MDM4: variants seen among roughly 807,000 people sequenced by gnomAD.
MDM4 encodes the protein MDM4 regulator of p53.
Under a neutral mutation model 60.2 loss-of-function variants are expected in MDM4, and 2 were observed. That is an observed-to-expected ratio of 0.03 (90% CI 0.01 to 0.10). The LOEUF (loss-of-function observed/expected upper bound fraction) is 0.10, where lower values mean the gene tolerates loss of function less well. MDM4 is among the 10% of genes least tolerant of loss of function. The pLI is 1.00. For missense variants in MDM4, 447 were observed against 577.5 expected, an observed-to-expected ratio of 0.77 and a Z score of 2.32; for synonymous variants, 202 against 198.1, an observed-to-expected ratio of 1.02 and a Z score of -0.17.
chr1:204,538,326 G>T lies in MDM4; in HGVS notation c.511+18G>T. On this transcript the variant is annotated intron_variant, in intron 7 of 10. Coordinates refer to ENST00000367182, the MANE Select transcript of MDM4 (RefSeq NM_002393.5). Reference sequence around the variant, plus strand: ...TAGAGAAGGTATGTTTTGGATTAAGGCTATATAGACTTTTGTTCTCTTCCT... The same window carrying T: ...TAGAGAAGGTATGTTTTGGATTAAGTCTATATAGACTTTTGTTCTCTTCCT... 7.4e-7 allele frequency: 1 copy of T among 1,353,566 alleles called. No homozygotes were observed. Among genetic ancestry groups the T allele is most frequent in the Non-Finnish European group, 1.1e-6 (1 of 947,264 alleles). The allele number at this position is 1,353,566 out of a possible 1,614,324, so 83.8% of individuals were successfully genotyped here.
At chr1:204,521,024 G>C (rs1170332100) in intron 1 of MDM4, among the ~76,000 whole-genome samples, 1 of 152,218 alleles carries the variant, frequency 6.6e-6, no homozygotes, top group East Asian at 1.9e-4. Flanking sequence ...GGGGATGTTA[G>C]TGCTTGTCTG....
chr1:204,525,231 G>A, intron 1 of MDM4: 2 of 530,098 alleles, frequency 3.8e-6, no homozygotes, highest in Non-Finnish European at 4.8e-6. Flanking sequence ...GGAGGTTGGA[G>A]CGTGCCTGAA....
Position 204,532,223 on chromosome 1 carries a change from T to G in MDM4, c.320T>G (p.Val107Gly). The G allele has an allele frequency of 6.2e-7, 1 of 1,605,438 alleles. No individual in the cohort carries two copies. Among genetic ancestry groups the G allele is most frequent in the Non-Finnish European group, 8.5e-7 (1 of 1,172,630 alleles). Residue 107 changes from valine to glycine, a missense_variant, in exon 5 of 11, where the codon GTC becomes GGC. Val to Gly is a moderately radical substitution (Grantham distance 109). Coordinates refer to ENST00000367182, the MANE Select transcript of MDM4 (RefSeq NM_002393.5). ...PLYDMLRKNL[V>G]TLATATTDAA... is the part of the protein sequence containing the mutation. ...TATGATATGCTAAGAAAGAATCTTGTCACTTTAGCCACTGCTACTACAGGT... is the reference window on the plus strand; with the variant it reads ...TATGATATGCTAAGAAAGAATCTTGGCACTTTAGCCACTGCTACTACAGGT...
Position 204,555,850 on chromosome 1 carries a change from G to T in MDM4, c.*6168G>T, listed in dbSNP as rs1342031156. 1 of 185,198 alleles carries T rather than the reference G, an allele frequency of 5.4e-6. No individual in the cohort carries two copies. The highest frequency in any genetic ancestry group is 1.1e-5 in the Non-Finnish European group (1 of 87,498). The allele number at this position is 185,198 out of a possible 1,614,324, so 11.5% of individuals were successfully genotyped here. ...ACTGCGCTCCCACCTGGGTGACAGAGACTCTGTCTCAAAAAAAAGGACATT... is the reference window on the plus strand; with the variant it reads ...ACTGCGCTCCCACCTGGGTGACAGATACTCTGTCTCAAAAAAAAGGACATT... On this transcript the variant is annotated 3_prime_UTR_variant, in exon 11 of 11. Coordinates refer to ENST00000367182, the MANE Select transcript of MDM4 (RefSeq NM_002393.5).
rs1663482002 is a variant in MDM4, at chr1:204,555,558, A to G, written c.*5876A>G. 5.8e-6 allele frequency: 1 copy of G among 171,762 alleles called. No individual in the cohort carries two copies. The highest frequency in any genetic ancestry group is 1.3e-5 in the Non-Finnish European group (1 of 79,224). The allele number at this position is 171,762 out of a possible 1,614,324, so 10.6% of individuals were successfully genotyped here. Reference sequence around the variant, plus strand: ...TCAGAGCAGTTGCTGTAATTTGGCAAATGCTTTATCGAAGATTGATATTAG... The same window carrying G: ...TCAGAGCAGTTGCTGTAATTTGGCAGATGCTTTATCGAAGATTGATATTAG... On this transcript the variant is annotated 3_prime_UTR_variant, in exon 11 of 11. Coordinates refer to ENST00000367182, the MANE Select transcript of MDM4 (RefSeq NM_002393.5).
At chr1:204,529,352 A>G (rs1660605967) in intron 3 of MDM4, 2 of 829,394 alleles carry the variant, frequency 2.4e-6, no homozygotes, top group Admixed American at 3.6e-5. Context: ...CCTCATCCAT[A>G]TTGGGAGGGG....
chr1:204,549,426 C>G lies in MDM4; in HGVS notation c.1217C>G (p.Thr406Ser), dbSNP rs4252741. ...DLAHSSESQE[T>S]ISSMGEQLDN... ...GCTCACAGTTCTGAAAGCCAAGAGA[C>G]CATCTCAAGCATGGGAGAACAGTTA... Residue 406 changes from threonine (T) to serine (S), a missense_variant, in exon 11 of 11, where the codon ACC becomes AGC. This residue lies in a region of MDM4 where 117 missense variants were observed against 114.5 expected (regional missense o/e 1.02). Coordinates refer to ENST00000367182, the MANE Select transcript of MDM4 (RefSeq NM_002393.5). The G allele has an allele frequency of 6.2e-7, 1 of 1,612,986 alleles. No individual in the cohort carries two copies. Among genetic ancestry groups the G allele is most frequent in the Non-Finnish European group, 8.5e-7 (1 of 1,179,736 alleles).
intron 4 of MDM4, among the ~76,000 whole-genome samples, chr1:204,531,442 A>G (rs762387124): frequency 1.3e-5 from 2 of 152,186 alleles, no homozygotes; most frequent in East Asian, 3.9e-4. Context: ...GTAAGTTATT[A>G]GCTTATATAG....
At chr1:204,521,480 A>G (rs1490995827) in intron 1 of MDM4, among the ~76,000 whole-genome samples, 1 of 151,976 alleles carries the variant, frequency 6.6e-6, no homozygotes, top group African/African-American at 2.4e-5. Flanking sequence ...GGGCTGGAAG[A>G]TGTGTGGTGC....
intron 1 of MDM4, 180 bp from the exon 2 acceptor site, chr1:204,525,304 A>G: frequency 2.0e-6 from 2 of 983,982 alleles, no homozygotes; most frequent in Non-Finnish European, 2.4e-6. Context: ...TAATTAAATC[A>G]GAACTAGAAA....
chr1:204,553,487 T>C lies in MDM4; in HGVS notation c.*3805T>C, dbSNP rs185735113. 2.0e-3 allele frequency: 456 copies of C among 226,328 alleles called. 5 individuals carry two copies. Among genetic ancestry groups the C allele is most frequent in the Admixed American group, 3.1e-3 (54 of 17,564 alleles). 14.0% of individuals were successfully genotyped at this position (226,328 alleles called of 1,614,324 possible). On this transcript the variant is annotated 3_prime_UTR_variant, in exon 11 of 11. Coordinates refer to ENST00000367182, the MANE Select transcript of MDM4 (RefSeq NM_002393.5). ...GTTAAATTATATGGTCACCTAGTTA[T>C]AGGTAAGCCTTGTTCGAGTTGATAT... is the stretch of plus-strand genomic sequence containing the variant.
intron 1 of MDM4, among the ~76,000 whole-genome samples, chr1:204,523,388 A>G (rs1659765992): frequency 6.8e-6 from 1 of 147,290 alleles, no homozygotes; most frequent in African/African-American, 2.5e-5. Flanking sequence ...AATGGTGTGA[A>G]CCCAGGAGGC....
intron 1 of MDM4, among the ~76,000 whole-genome samples, chr1:204,523,741 C>CA (rs1404537367): frequency 6.6e-6 from 1 of 151,998 alleles, no homozygotes; most frequent in African/African-American, 2.4e-5. Context: ...GAATATCACT[C>CA]AAACATAAAT....
At chr1:204,541,611 A>C (rs1003466565) in intron 7 of MDM4, among the ~76,000 whole-genome samples, 6 of 152,166 alleles carry the variant, frequency 3.9e-5, no homozygotes, top group Non-Finnish European at 7.3e-5. Flanking sequence ...AAGGGACAGA[A>C]TTTTTATTTG....
rs1663504046 is a variant in MDM4 at position 204,555,893 on chromosome 1, A to G, written c.*6211A>G. The stretch of plus-strand genomic sequence containing the variant: ...AGGACATTTATCATTATAACATCTT[A>G]TTAGAGCCCCTAATTTCTTATCTGA... On this transcript the variant is annotated 3_prime_UTR_variant, in exon 11 of 11. Transcript: ENST00000367182. The G allele has an allele frequency of 5.2e-6, 1 of 191,184 alleles. No individual in the cohort carries two copies. The highest frequency in any genetic ancestry group is 1.1e-5 in the Non-Finnish European group (1 of 92,202). 11.8% of individuals were successfully genotyped at this position (191,184 alleles called of 1,614,324 possible). A position where few individuals can be genotyped will look rare whatever the true frequency, so the allele number is the denominator to read the frequency against.
chr1:204,528,575 G>A (rs1656813377), intron 3 of MDM4, among the ~76,000 whole-genome samples: 1 of 152,192 alleles, frequency 6.6e-6, no homozygotes, highest in Non-Finnish European at 1.5e-5. Flanking sequence ...GTGCCAGGCT[G>A]TGCCACTCAA....
chr1:204,526,527 G>A (rs1165435787), intron 3 of MDM4, 93 bp downstream of exon 3: 11 of 872,568 alleles, frequency 1.3e-5, no homozygotes, highest in East Asian at 5.5e-5. Flanking sequence ...GCAGTGGTGC[G>A]ATCTCAGATC....
chr1:204,523,473 A>ATTTTTTTT (rs60954516), intron 1 of MDM4, among the ~76,000 whole-genome samples: 14 of 58,946 alleles, frequency 2.4e-4, no homozygotes, highest in Admixed American at 7.8e-4. Context: ...CCTAAAAAAA[A>ATTTTTTTT]TTTTTTTTTT....
In MDM4 at chr1:204,551,461, CTTTTTTTTTTTT is replaced by C. The variant is rs56047802; in HGVS notation, c.*1797_*1808del. 2.1e-3 allele frequency: 196 copies of C among 91,418 alleles called. 2 individuals are homozygous for C. The highest frequency in any genetic ancestry group is 0.011 in the African/African-American group (149 of 13,806). 5.7% of individuals were successfully genotyped at this position (91,418 alleles called of 1,614,324 possible). On this transcript the variant is annotated 3_prime_UTR_variant, in exon 11 of 11. Coordinates refer to ENST00000367182, the MANE Select transcript of MDM4 (RefSeq NM_002393.5). ...ATACTGGATGGTTGAGAGGCAGCCT[CTTTTTTTTTTTT>C]TTTTTTTTTTTTTTTTTGGAGGATA...
Sources: gnomAD v4.1 joint callset for allele counts (sites outside exome capture counted in the v4.1 genomes callset) on GRCh38, gnomAD v4.1.1 for gene constraint, gnomAD v4.1.1 regional missense constraint, MANE v1.5 for transcripts, NCBI Gene and HGNC (gene_info 2026-07-23, HGNC 2026-07-21) for gene names.